Variants in NRXN3 observed in about 807,000 individuals in gnomAD.
NRXN3 encodes the protein neurexin 3.
In NRXN3, 32 loss-of-function variants were observed where a neutral mutation model predicts 137.6. The ratio of observed to expected loss-of-function variants is 0.23; its 90% confidence interval spans 0.18 to 0.31. The LOEUF is 0.31. Among genes scored for constraint, NRXN3 ranks in the 10% least tolerant of loss-of-function variants. NRXN3 has a pLI of 1.00. For missense variants in NRXN3, 1,574 were observed against 2,062.5 expected (o/e 0.76, Z 4.59); for synonymous variants, 798 against 784.5 (o/e 1.02, Z -0.29).
At chr14:79,764,346 G>A (rs1282658037) in intron 19 of NRXN3, among the ~76,000 whole-genome samples, 1 of 152,176 alleles carries the variant, frequency 6.6e-6, no homozygotes, top group Non-Finnish European at 1.5e-5. Context: ...TTTCCCCAAA[G>A]AGTGACTCAG....
At chr14:78,481,790 C>A (rs1014085170) in intron 4 of NRXN3, among the ~76,000 whole-genome samples, 2 of 152,080 alleles carry the variant, frequency 1.3e-5, no homozygotes, top group African/African-American at 2.4e-5. Flanking sequence ...AAAGGATATC[C>A]CCTCCTACAG....
intron 16 of NRXN3, among the ~76,000 whole-genome samples, chr14:79,624,661 T>C (rs1009024181): frequency 3.9e-5 from 6 of 152,138 alleles, no homozygotes; most frequent in African/African-American, 1.4e-4. Context: ...CCCTTTAACC[T>C]ATATCTCCCC....
intron 4 of NRXN3, among the ~76,000 whole-genome samples, chr14:78,525,021 C>T (rs2096356286): frequency 6.6e-6 from 1 of 152,228 alleles, no homozygotes; most frequent in Non-Finnish European, 1.5e-5. Flanking sequence ...AGTATTTTAT[C>T]TGATCTACTT....
intron 3 of NRXN3, among the ~76,000 whole-genome samples, chr14:78,294,555 CAAAAAA>C (rs199592742): frequency 2.8e-5 from 3 of 106,454 alleles, no homozygotes; most frequent in Non-Finnish European, 5.5e-5. Context: ...GATTCCGTCT[CAAAAAA>C]AAAAAAAAAA....
At chr14:79,355,272 C>T (rs540871866) in intron 15 of NRXN3, among the ~76,000 whole-genome samples, 1 of 149,912 alleles carries the variant, frequency 6.7e-6, no homozygotes, top group Non-Finnish European at 1.5e-5. Flanking sequence ...TTCCTTCCCT[C>T]CTTCCTCTGT....
At chr14:78,848,270 C>T (rs10150589) in intron 10 of NRXN3, among the ~76,000 whole-genome samples, 3,712 of 152,168 alleles carry the variant, frequency 0.024, 152 homozygotes, top group African/African-American at 0.084. Flanking sequence ...GGATCTTCTT[C>T]TCTTATATAG....
intron 16 of NRXN3, among the ~76,000 whole-genome samples, chr14:79,557,586 A>G (rs1207587655): frequency 1.3e-5 from 2 of 152,136 alleles, no homozygotes; most frequent in African/African-American, 4.8e-5. Context: ...ACTGTAGTCT[A>G]TTAAATGTGC....
chr14:79,338,218 A>AGTGTGTGT (rs56816357), intron 15 of NRXN3, among the ~76,000 whole-genome samples: 1 of 141,148 alleles, frequency 7.1e-6, no homozygotes, highest in African/African-American at 2.6e-5. Flanking sequence ...TGTGTATGTG[A>AGTGTGTGT]GTGTGTGTGT....
At chr14:78,450,912 GGTGTGTGTGTGTGT>G (rs147013752) in intron 4 of NRXN3, among the ~76,000 whole-genome samples, 1 of 150,180 alleles carries the variant, frequency 6.7e-6, no homozygotes, top group Non-Finnish European at 1.5e-5. Context: ...CGGTGTTTGG[GGTGTGTGTGTGTGT>G]GTGTGAGTGT....
intron 10 of NRXN3, among the ~76,000 whole-genome samples, chr14:78,931,963 G>A (rs2099323367): frequency 1.3e-5 from 2 of 152,016 alleles, no homozygotes; most frequent in Non-Finnish European, 2.9e-5. Context: ...TCCGGCCAAC[G>A]TGGCAAAACC....
At chr14:78,173,609 C>T (rs2058959072) in intron 1 of NRXN3, among the ~76,000 whole-genome samples, 1 of 142,772 alleles carries the variant, frequency 7.0e-6, no homozygotes, top group Admixed American at 7.0e-5. Flanking sequence ...CACTGCTCCC[C>T]CCACCCTAGG....
chr14:78,427,882 A>G (rs1268775805), intron 4 of NRXN3, among the ~76,000 whole-genome samples: 1 of 152,318 alleles, frequency 6.6e-6, no homozygotes, highest in East Asian at 1.9e-4. Context: ...ACTGAAGAAG[A>G]AAGGGGTCCC....
chr14:79,018,033 G>A (rs1486609083), intron 15 of NRXN3, among the ~76,000 whole-genome samples: 1 of 151,798 alleles, frequency 6.6e-6, no homozygotes, highest in Non-Finnish European at 1.5e-5. Flanking sequence ...GCTGAGGCGG[G>A]AGGATCACCT....
At position 78,283,665 on chromosome 14, in the gene NRXN3, C is replaced by T. The variant is rs1385654730; in HGVS notation, c.727+5003C>T. On this transcript the variant is annotated intron_variant, in intron 3 of 20. Transcript: ENST00000335750. ...CGAGGATTACAGGTGTGTGCCACCA[C>T]GCCCAGCAAATTTTTGTATTTTTAG... Among the ~76,000 whole-genome samples, 12 of 152,098 alleles carry T rather than the reference C, an allele frequency of 7.9e-5. No individual in the cohort carries two copies. In the East Asian group the frequency reaches 1.5e-3, roughly 20 times the overall value.
chr14:79,017,279 G>T (rs1315886872), intron 15 of NRXN3, among the ~76,000 whole-genome samples: 2 of 151,564 alleles, frequency 1.3e-5, no homozygotes, highest in Non-Finnish European at 2.9e-5. Flanking sequence ...TTCTAGCCCT[G>T]CCAAGCAACT....
intron 14 of NRXN3, among the ~76,000 whole-genome samples, chr14:78,974,114 A>G (rs1187122583): frequency 6.6e-6 from 1 of 152,192 alleles, no homozygotes; most frequent in Non-Finnish European, 1.5e-5. Flanking sequence ...AGGAAGCTTT[A>G]CAATAGCTTT....
intron 8 of NRXN3, among the ~76,000 whole-genome samples, chr14:78,749,311 C>A (rs1351034934): frequency 5.3e-5 from 8 of 152,288 alleles, no homozygotes; most frequent in African/African-American, 4.8e-5. Flanking sequence ...CGGGACTCAT[C>A]ATTTTGCCAA....
chr14:79,133,782 A>G (rs1055545039), intron 15 of NRXN3, among the ~76,000 whole-genome samples: 1 of 151,734 alleles, frequency 6.6e-6, no homozygotes, highest in Non-Finnish European at 1.5e-5. Context: ...AAAAAAAATT[A>G]GGTGGGCGTG....
At chr14:78,354,260 A>G (rs1255276624) in intron 4 of NRXN3, among the ~76,000 whole-genome samples, 4 of 152,182 alleles carry the variant, frequency 2.6e-5, no homozygotes, top group Non-Finnish European at 5.9e-5. Context: ...CATCCATTGT[A>G]TTCCACTGGT....
Sources: allele counts gnomAD v4.1 joint callset (sites outside exome capture counted in the v4.1 genomes callset), GRCh38; gene constraint gnomAD v4.1.1; transcripts MANE v1.5; gene names NCBI Gene and HGNC (gene_info 2026-07-23, HGNC 2026-07-21).